The following PEX13 variants were observed in gnomAD, a reference collection of about 807,000 sequenced individuals.
PEX13 encodes peroxisomal biogenesis factor 13.
Under a neutral mutation model 34.5 loss-of-function variants are expected in PEX13, and 28 were observed. That is an observed-to-expected ratio of 0.81 (90% CI 0.60 to 1.11). The LOEUF is 1.11. Ranked by LOEUF, PEX13 falls within the 50% of genes most tolerant of loss-of-function variation. The pLI is 0.00. For synonymous variants in PEX13, 177 were observed against 175.1 expected, an observed-to-expected ratio of 1.01 and a Z score of -0.09; for missense variants, 550 against 491.0, an observed-to-expected ratio of 1.12 and a Z score of -1.13.
In PEX13 at chr2:61,050,971, A is replaced by C. The variant is rs1680788603; in HGVS notation, c.*2201A>C. 6.6e-6 allele frequency: 1 copy of C among 152,366 alleles called. No individual in the cohort carries two copies. The highest frequency in any genetic ancestry group is 2.4e-5 in the African/African-American group (1 of 41,456). The allele number at this position is 152,366 out of a possible 1,614,324, so 9.4% of individuals were successfully genotyped here. A position where few individuals can be genotyped will look rare whatever the true frequency, so the allele number is the denominator to read the frequency against. On this transcript the variant is annotated 3_prime_UTR_variant, in exon 4 of 4. Transcript: ENST00000295030. Reference sequence around the variant, plus strand: ...ATGTTCAACAAATAAGTAATTCTCGAATAGTTCAGATTAAAACATACAGGA... The same window carrying C: ...ATGTTCAACAAATAAGTAATTCTCGCATAGTTCAGATTAAAACATACAGGA...
intron 3 of PEX13, 29 bp downstream of exon 3, chr2:61,045,880 T>C (rs200554020): frequency 1.4e-4 from 224 of 1,571,778 alleles, no homozygotes; most frequent in Non-Finnish European, 1.8e-4. Context: ...GTTGGAATTA[T>C]CTGTAAATTT....
chr2:61,027,567 A>G (rs1268420491), intron 1 of PEX13, among the ~76,000 whole-genome samples: 1 of 152,222 alleles, frequency 6.6e-6, no homozygotes, highest in East Asian at 1.9e-4. Flanking sequence ...AGCCTCAAGC[A>G]TTGAACTGGT....
intron 1 of PEX13, among the ~76,000 whole-genome samples, chr2:61,025,661 G>A (rs1360569719): frequency 6.6e-6 from 1 of 151,926 alleles, no homozygotes; most frequent in Non-Finnish European, 1.5e-5. Context: ...GCCCAGCCAA[G>A]CCCGTTTATT....
intron 1 of PEX13, among the ~76,000 whole-genome samples, chr2:61,024,446 G>C (rs1357063085): frequency 6.6e-6 from 1 of 151,988 alleles, no homozygotes; most frequent in African/African-American, 2.4e-5. Context: ...GCTTCATTCT[G>C]GGTATTTTCT....
At chr2:61,031,348 T>A in intron 1 of PEX13, 71 bp from the exon 2 acceptor site, 1 of 1,076,042 alleles carries the variant, frequency 9.3e-7, no homozygotes, top group East Asian at 2.5e-5. Flanking sequence ...ATATAGGAGA[T>A]GTTTAATACT....
intron 1 of PEX13, among the ~76,000 whole-genome samples, chr2:61,029,216 A>G (rs1463928111): frequency 6.6e-6 from 1 of 152,216 alleles, no homozygotes; most frequent in Non-Finnish European, 1.5e-5. Flanking sequence ...TAAGATTGTA[A>G]AACGACCAAT....
chr2:61,030,400 T>G (rs1386105330), intron 1 of PEX13, among the ~76,000 whole-genome samples: 1 of 152,172 alleles, frequency 6.6e-6, no homozygotes, highest in Non-Finnish European at 1.5e-5. Context: ...TTATTTCAGC[T>G]CTCATGCTGT....
Position 61,039,998 on chromosome 2 carries a change from A to G in PEX13, c.788-5728A>G, listed in dbSNP as rs576770468. Among the ~76,000 whole-genome samples, 7 of 152,368 alleles carry G rather than the reference A, an allele frequency of 4.6e-5. No homozygotes were observed. In the South Asian group the frequency reaches 1.4e-3, roughly 32 times the overall value. On this transcript the variant is annotated intron_variant, in intron 2 of 3. Coordinates refer to ENST00000295030, the MANE Select transcript of PEX13 (RefSeq NM_002618.4). ...ACAAACATATGAAAAAATGCTCATC[A>G]TCACTGGTCATCAGAGAAATGCAAA...
chr2:61,024,793 AGT>A (rs1680323942), intron 1 of PEX13, among the ~76,000 whole-genome samples: 1 of 152,154 alleles, frequency 6.6e-6, no homozygotes, highest in Non-Finnish European at 1.5e-5. Flanking sequence ...TGGGCAACAG[AGT>A]GAGACTCCAT....
intron 2 of PEX13, among the ~76,000 whole-genome samples, chr2:61,038,389 T>G (rs755170574): frequency 1.3e-5 from 2 of 152,068 alleles, no homozygotes; most frequent in African/African-American, 4.8e-5. Flanking sequence ...CAGCAACACA[T>G]CAAAAAGCTT....
chr2:61,043,732 T>C (rs776875763), intron 2 of PEX13, among the ~76,000 whole-genome samples: 1 of 152,264 alleles, frequency 6.6e-6, no homozygotes, highest in Non-Finnish European at 1.5e-5. Context: ...TGTGACATAA[T>C]CATTGTCAGT....
At chr2:61,047,372 T>A (rs1177231) in intron 3 of PEX13, among the ~76,000 whole-genome samples, 81,873 of 151,906 alleles carry the variant, frequency 0.54, 22,360 homozygotes, top group Middle Eastern at 0.67. Context: ...GTCAGGCTGG[T>A]CTCGAACTCC....
At chr2:61,035,963 A>G (rs1680527875) in intron 2 of PEX13, among the ~76,000 whole-genome samples, 1 of 151,558 alleles carries the variant, frequency 6.6e-6, no homozygotes, top group Non-Finnish European at 1.5e-5. Flanking sequence ...AGCCTGGGCA[A>G]CAAGAGCGAA....
intron 1 of PEX13, chr2:61,019,224 CAT>C (rs1260133340): frequency 8.6e-5 from 13 of 151,860 alleles, no homozygotes; most frequent in East Asian, 1.9e-4. Flanking sequence ...TATCTAATTA[CAT>C]GTTACTATTT....
At chr2:61,042,390 G>GT (rs1245771426) in intron 2 of PEX13, among the ~76,000 whole-genome samples, 3 of 151,456 alleles carry the variant, frequency 2.0e-5, no homozygotes, top group African/African-American at 7.3e-5. Flanking sequence ...ACTACAGTGG[G>GT]TTTTTTTTGA....
In PEX13 at chr2:61,031,467, A is replaced by G. The variant is rs79842991; in HGVS notation, c.141A>G (p.Ala47=). The change falls in exon 2 of 4, where the codon GCA becomes GCG. Residue 47 remains alanine (A), a synonymous_variant. Coordinates refer to ENST00000295030, the MANE Select transcript of PEX13 (RefSeq NM_002618.4). Reference sequence around the variant, plus strand: ...TAATGACAAGACCTGGACAACCAGCACTTACCAGAGTGCCCCCACCTATTC... The same window carrying G: ...TAATGACAAGACCTGGACAACCAGCGCTTACCAGAGTGCCCCCACCTATTC... ...PTLMTRPGQP[A]LTRVPPPILP... is the part of the protein sequence containing the mutation. 206 of 1,614,218 alleles carry G rather than the reference A, an allele frequency of 1.3e-4. 2 individuals carry two copies. In the African/African-American group the frequency reaches 2.5e-3, roughly 20 times the overall value.
intron 2 of PEX13, among the ~76,000 whole-genome samples, chr2:61,043,332 T>TAAAAA (rs36040457): frequency 9.5e-5 from 7 of 73,602 alleles, no homozygotes; most frequent in Admixed American, 3.1e-4. Flanking sequence ...CTGTCTCTAC[T>TAAAAA]AAAAAAAAAA....
At chr2:61,038,405 C>T (rs933905549) in intron 2 of PEX13, among the ~76,000 whole-genome samples, 1 of 152,162 alleles carries the variant, frequency 6.6e-6, no homozygotes, top group Admixed American at 6.6e-5. Context: ...AGCTTATCCA[C>T]CATGATCAAG....
At chr2:61,032,185 T>G (rs995546125) in intron 2 of PEX13, 72 bp downstream of exon 2, 38 of 1,093,848 alleles carry the variant, frequency 3.5e-5, no homozygotes, top group Non-Finnish European at 4.6e-5. Flanking sequence ...GATTTGTTAG[T>G]TTTCTTTATA....
Sources: gnomAD v4.1 joint callset for allele counts (sites outside exome capture counted in the v4.1 genomes callset) on GRCh38, gnomAD v4.1.1 for gene constraint, MANE v1.5 for transcripts, NCBI Gene and HGNC (gene_info 2026-07-23, HGNC 2026-07-21) for gene names.